Variants in KHDC1 observed in about 807,000 individuals in gnomAD.
KHDC1 encodes the protein KH domain containing 1.
In KHDC1, 21 loss-of-function variants were observed where a neutral mutation model predicts 24.7. The ratio of observed to expected loss-of-function variants is 0.85; its 90% CI spans 0.60 to 1.23. KHDC1 has a LOEUF of 1.23. Among genes scored for constraint, KHDC1 ranks in the 50% most tolerant of loss-of-function variants. The pLI is 0.00. For synonymous variants in KHDC1, 98 were observed against 111.7 expected, an observed-to-expected ratio of 0.88 and a Z score of 0.77; for missense variants, 274 against 298.5, an observed-to-expected ratio of 0.92 and a Z score of 0.61.
chr6:73,295,735 A>G (rs1582586354), intron 1 of KHDC1, among the ~76,000 whole-genome samples: 1 of 152,026 alleles, frequency 6.6e-6, no homozygotes, highest in Admixed American at 6.6e-5. Flanking sequence ...AGTCCCAGCT[A>G]CTCGGGAGGT....
intron 1 of KHDC1, among the ~76,000 whole-genome samples, chr6:73,296,253 G>A (rs547020418): frequency 2.0e-5 from 3 of 151,580 alleles, no homozygotes; most frequent in African/African-American, 4.8e-5. Context: ...CCAAGAGTTC[G>A]AGACCAGCCT....
Position 73,253,107 on chromosome 6 carries a change from C to T in KHDC1, c.207-10577G>A, listed in dbSNP as rs374578686. On this transcript the variant is annotated intron_variant, in intron 2 of 4. Coordinates refer to ENST00000370384, the Ensembl canonical transcript of KHDC1. The stretch of plus-strand genomic sequence containing the variant: ...CAATAAATAAAAGGCTGCAGTTTTA[C>T]TAATGCATGAAAAGACCAATCAGTG... Among the ~76,000 whole-genome samples, 16 of 152,200 alleles carry T rather than the reference C, an allele frequency of 1.1e-4. 1 individual carries two copies. The highest frequency in any genetic ancestry group is 3.6e-4 in the African/African-American group (15 of 41,530).
chr6:73,284,241 A>G (rs1379522085), intron 2 of KHDC1, among the ~76,000 whole-genome samples: 1 of 152,206 alleles, frequency 6.6e-6, no homozygotes, highest in Non-Finnish European at 1.5e-5. Context: ...CTCAGAAGGT[A>G]TGTGGTCATA....
intron 2 of KHDC1, among the ~76,000 whole-genome samples, chr6:73,247,420 C>G (rs1185558931): frequency 6.6e-6 from 1 of 152,166 alleles, no homozygotes; most frequent in Non-Finnish European, 1.5e-5. Flanking sequence ...TCCATACTTC[C>G]CCCAGTGCCT....
Position 73,242,240 on chromosome 6 carries a change from G to C in KHDC1, c.332-3C>G. 2 of 1,612,080 alleles carry C rather than the reference G, an allele frequency of 1.2e-6. No homozygotes were observed. Among genetic ancestry groups the C allele is most frequent in the Non-Finnish European group, 1.7e-6 (2 of 1,179,030 alleles). On this transcript the variant is annotated splice_polypyrimidine_tract_variant and splice_region_variant and intron_variant, in intron 3 of 4. Transcript: ENST00000370384. ...GCGAAGGTATGTGTCACCATGCCCT[G>C]TGAGCATAAGAGGTGAGAGGAGGTT...
chr6:73,264,384 A>G (rs1040659441), intron 2 of KHDC1, among the ~76,000 whole-genome samples: 1 of 152,162 alleles, frequency 6.6e-6, no homozygotes, highest in African/African-American at 2.4e-5. Context: ...TTTTCATCCT[A>G]AAGCTTCTGG....
chr6:73,284,674 G>C (rs1767486584), intron 2 of KHDC1: 1 of 152,096 alleles, frequency 6.6e-6, no homozygotes, highest in Admixed American at 6.6e-5. Context: ...AGAAGAATCT[G>C]TTGGATGATT....
chr6:73,284,624 A>G (rs938174658), intron 2 of KHDC1: 1 of 151,982 alleles, frequency 6.6e-6, no homozygotes, highest in Non-Finnish European at 1.5e-5. Context: ...TACTACCACA[A>G]TGCTGTCTCA....
In KHDC1 at chr6:73,261,178, C is replaced by T. The variant is rs111495447; in HGVS notation, c.207-18648G>A. Among the ~76,000 whole-genome samples the T allele has an allele frequency of 2.3e-4, 35 of 152,316 alleles. 1 individual carries two copies. Among genetic ancestry groups the T allele is most frequent in the African/African-American group, 3.4e-4 (14 of 41,576 alleles). ...GAAGCATAGGCCAGGCATGGTGGCTCACACCTGTAATCCCAGCATTTTGGG... is the reference window on the plus strand; with the variant it reads ...GAAGCATAGGCCAGGCATGGTGGCTTACACCTGTAATCCCAGCATTTTGGG... On this transcript the variant is annotated intron_variant, in intron 2 of 4. Coordinates refer to ENST00000370384, the Ensembl canonical transcript of KHDC1.
At chr6:73,271,246 C>T (rs1463649958) in intron 2 of KHDC1, among the ~76,000 whole-genome samples, 1 of 151,746 alleles carries the variant, frequency 6.6e-6, no homozygotes, top group Non-Finnish European at 1.5e-5. Context: ...CTCACTCTGA[C>T]GCCCAGGCTG....
At chr6:73,244,703 G>GGC (rs1766632431) in intron 2 of KHDC1, among the ~76,000 whole-genome samples, 1 of 87,370 alleles carries the variant, frequency 1.1e-5, no homozygotes, top group African/African-American at 4.2e-5. Context: ...GCGGGGGGGC[G>GGC]GGGGGGGGCT....
At chr6:73,261,804 C>T (rs1322963491) in intron 2 of KHDC1, among the ~76,000 whole-genome samples, 2 of 151,306 alleles carry the variant, frequency 1.3e-5, no homozygotes, top group South Asian at 2.1e-4. Context: ...CCCAGCTACT[C>T]GGGAGGCTGA....
At chr6:73,289,371 G>A (rs1767593336) in intron 2 of KHDC1, among the ~76,000 whole-genome samples, 1 of 134,462 alleles carries the variant, frequency 7.4e-6, no homozygotes, top group Non-Finnish European at 1.6e-5. Context: ...AATAAAATCT[G>A]GGCCAACTAC....
chr6:73,280,514 C>CTT (rs55832102), intron 2 of KHDC1, among the ~76,000 whole-genome samples: 5 of 117,452 alleles, frequency 4.3e-5, no homozygotes, highest in East Asian at 2.6e-4. Context: ...TCTTTAATTT[C>CTT]TTTTTTTTTT....
chr6:73,244,383 G>A (rs1766627126), intron 2 of KHDC1, among the ~76,000 whole-genome samples: 1 of 152,018 alleles, frequency 6.6e-6, no homozygotes, highest in Admixed American at 6.6e-5. Context: ...AACACTGCAA[G>A]GAGAGATTCA....
chr6:73,289,353 A>AG (rs1416355662), intron 2 of KHDC1, among the ~76,000 whole-genome samples: 3 of 145,112 alleles, frequency 2.1e-5, no homozygotes, highest in Non-Finnish European at 4.5e-5. Flanking sequence ...AAAAAAAAAA[A>AG]AAAAAAGAAT....
intron 2 of KHDC1, among the ~76,000 whole-genome samples, chr6:73,289,523 T>C (rs62438243): frequency 0.076 from 11,543 of 151,456 alleles, 497 homozygotes; most frequent in Non-Finnish European, 0.091. Flanking sequence ...TGGTGGCTCA[T>C]GCCTGTAATC....
chr6:73,309,299 C>T (rs1290463387), intron 1 of KHDC1, among the ~76,000 whole-genome samples: 1 of 152,230 alleles, frequency 6.6e-6, no homozygotes, highest in Non-Finnish European at 1.5e-5. Flanking sequence ...ACCTACAGTG[C>T]ACAAATGTCC....
intron 2 of KHDC1, among the ~76,000 whole-genome samples, chr6:73,291,773 G>C (rs892711172): frequency 6.6e-6 from 1 of 151,604 alleles, no homozygotes; most frequent in Admixed American, 6.6e-5. Context: ...AGGATGGGAG[G>C]GGGGTGAGGG....
Sources: allele counts gnomAD v4.1 joint callset (sites outside exome capture counted in the v4.1 genomes callset), GRCh38; gene constraint gnomAD v4.1.1; transcripts MANE v1.5; gene names NCBI Gene and HGNC (gene_info 2026-07-23, HGNC 2026-07-21).